Variants in CPQ observed in about 807,000 individuals in gnomAD.
CPQ encodes Ser-Met dipeptidase.
CPQ carries 37 observed loss-of-function variants against 45.7 expected under a neutral mutation model. The ratio of observed to expected loss-of-function variants is 0.81; its 90% confidence interval spans 0.62 to 1.07. CPQ has a LOEUF of 1.07. CPQ is among the 50% of genes least tolerant of loss of function. CPQ has a pLI of 0.00. For missense variants in CPQ, 537 were observed against 572.9 expected (o/e 0.94, Z 0.64); for synonymous variants, 186 against 205.8 (o/e 0.90, Z 0.82).
rs1378196364 is a variant in CPQ at position 96,779,077 on chromosome 8, A to AAAAAC, written c.-34-5784_-34-5783insACAAA. On this transcript the variant is annotated intron_variant, in intron 1 of 7. Transcript: ENST00000220763. ...AACTCCATCTCCAAAAAAAAAAAAA[A>AAAAAC]AAAGGCATGTTATTTATTAATACGA... 6.2e-3 allele frequency among the ~76,000 whole-genome samples: 938 copies of AAAAAC among 151,200 alleles called. 10 individuals carry two copies. Among genetic ancestry groups the AAAAAC allele is most frequent in the African/African-American group, 0.018 (733 of 40,716 alleles).
intron 1 of CPQ, among the ~76,000 whole-genome samples, chr8:96,762,577 G>A (rs1810418241): frequency 6.6e-6 from 1 of 152,142 alleles, no homozygotes; most frequent in South Asian, 2.1e-4. Flanking sequence ...GGGCTACAGA[G>A]GGACAGTGAT....
intron 7 of CPQ, among the ~76,000 whole-genome samples, chr8:97,117,396 A>G (rs1456173675): frequency 6.6e-6 from 1 of 152,140 alleles, no homozygotes; most frequent in Non-Finnish European, 1.5e-5. Context: ...GAGCACTGAA[A>G]AGTTCTATAT....
rs201427381 is a variant in CPQ, at chr8:96,879,820, T to C, written c.664T>C (p.Tyr222His). The C allele has an allele frequency of 1.9e-5, 30 of 1,614,058 alleles. No homozygotes were observed. The highest frequency in any genetic ancestry group is 1.6e-5 in the Non-Finnish European group (19 of 1,179,948). The change falls in exon 4 of 8, where the codon TAC (tyrosine) becomes CAC (histidine). Residue 222 changes from tyrosine to histidine, a missense_variant. Transcript: ENST00000220763. ...IYSPHTGIQE[Y>H]QDGVPKIPTA... ...AAGTCCTCACACAGGTATTCAGGAA[T>C]ACCAGGATGGCGTGCCCAAGATTCC...
In CPQ at chr8:96,932,501, C is replaced by T. The variant is rs574740582; in HGVS notation, c.850-33434C>T. On this transcript the variant is annotated intron_variant, in intron 4 of 7. Transcript: ENST00000220763. ...CTCTAGTTCATCCATTTTAATTATA[C>T]GAACTAGAGTTCGTTAAATGGTATA... 1.6e-3 allele frequency among the ~76,000 whole-genome samples: 238 copies of T among 152,264 alleles called. 2 individuals carry two copies. The highest frequency in any genetic ancestry group is 5.3e-3 in the African/African-American group (222 of 41,560).
chr8:97,123,211 T>TAAAATAAAATAAAATAAAATAA (rs1811784193), intron 7 of CPQ, among the ~76,000 whole-genome samples: 1 of 67,818 alleles, frequency 1.5e-5, no homozygotes, highest in African/African-American at 6.2e-5. Flanking sequence ...AAATAAAAAA[T>TAAAATAAAATAAAATAAAATAA]AAAATAAAAT....
Position 96,694,937 on chromosome 8 carries a change from T to C in CPQ, c.-35+49535T>C, listed in dbSNP as rs539932594. On this transcript the variant is annotated intron_variant, in intron 1 of 7. Transcript: ENST00000220763. ...GGATGGCATTGAATCTGTAAATTAC[T>C]ACTTTACAGTGCATATGGAACCAAA... 6.6e-5 allele frequency among the ~76,000 whole-genome samples: 10 copies of C among 152,312 alleles called. No homozygotes were observed. The East Asian group carries it at 1.9e-3, about 29-fold the overall frequency.
chr8:97,035,254 G>C (rs1809978693), intron 6 of CPQ, among the ~76,000 whole-genome samples: 1 of 152,142 alleles, frequency 6.6e-6, no homozygotes. Context: ...TTATTCTCCA[G>C]AACGAATGAA....
At chr8:96,867,494 TAAG>T (rs1007744824) in intron 3 of CPQ, among the ~76,000 whole-genome samples, 1 of 152,006 alleles carries the variant, frequency 6.6e-6, no homozygotes, top group African/African-American at 2.4e-5. Context: ...TTTAAAAAAT[TAAG>T]AATGTTATAT....
intron 7 of CPQ, among the ~76,000 whole-genome samples, chr8:97,066,496 G>T (rs1810639150): frequency 6.6e-6 from 1 of 152,162 alleles, no homozygotes; most frequent in Non-Finnish European, 1.5e-5. Context: ...CCATTGTTTT[G>T]TTTTGTTTTT....
At chr8:97,122,259 A>C (rs1027295151) in intron 7 of CPQ, among the ~76,000 whole-genome samples, 2 of 147,628 alleles carry the variant, frequency 1.4e-5, no homozygotes, top group African/African-American at 5.4e-5. Context: ...GCAGCAATAC[A>C]AAAAAAACTT....
At chr8:96,897,853 A>G (rs1030849476) in intron 4 of CPQ, among the ~76,000 whole-genome samples, 2 of 152,162 alleles carry the variant, frequency 1.3e-5, no homozygotes, top group African/African-American at 4.8e-5. Context: ...GAAGTCTTAG[A>G]AGGGGCGCAT....
intron 7 of CPQ, among the ~76,000 whole-genome samples, chr8:97,133,969 T>TGG: frequency 6.6e-6 from 1 of 152,314 alleles, no homozygotes; most frequent in East Asian, 1.9e-4. Flanking sequence ...TACATAATAG[T>TGG]GTTTGGATCT....
chr8:97,026,136 TCA>T (rs1809796067), intron 5 of CPQ, among the ~76,000 whole-genome samples: 5 of 152,186 alleles, frequency 3.3e-5, no homozygotes, highest in Admixed American at 3.3e-4. Flanking sequence ...ACCATGTGTC[TCA>T]CCTAGTTCTC....
At chr8:97,086,381 A>G (rs1030371988) in intron 7 of CPQ, among the ~76,000 whole-genome samples, 1 of 152,192 alleles carries the variant, frequency 6.6e-6, no homozygotes, top group Admixed American at 6.5e-5. Flanking sequence ...ATCCATGTGA[A>G]TGGGTATTGC....
chr8:96,929,522 C>T (rs1005837112), intron 4 of CPQ, among the ~76,000 whole-genome samples: 2 of 152,100 alleles, frequency 1.3e-5, no homozygotes, highest in Admixed American at 1.3e-4. Context: ...GTGTGATACC[C>T]CCTCCTGTTA....
intron 7 of CPQ, among the ~76,000 whole-genome samples, chr8:97,127,434 T>C (rs992550379): frequency 6.6e-6 from 1 of 152,162 alleles, no homozygotes; most frequent in Non-Finnish European, 1.5e-5. Context: ...GTGTGGTGGC[T>C]CCCAACACTT....
intron 1 of CPQ, among the ~76,000 whole-genome samples, chr8:96,776,704 G>C (rs1810609100): frequency 6.6e-6 from 1 of 152,038 alleles, no homozygotes; most frequent in Non-Finnish European, 1.5e-5. Flanking sequence ...GATTTAAGTA[G>C]AAAAGAAAGA....
intron 4 of CPQ, among the ~76,000 whole-genome samples, chr8:96,896,186 G>A (rs1345109801): frequency 6.6e-6 from 1 of 152,062 alleles, no homozygotes; most frequent in Non-Finnish European, 1.5e-5. Flanking sequence ...TAACATCTCT[G>A]TTTGAGTTTT....
rs12681746 is a variant in CPQ at position 96,649,261 on chromosome 8, G to A, written c.-35+3859G>A. ...CAAAGTGTTGGGATTACAGGCATGA[G>A]CCACTGTGCCTGGCTCTTTTCAGCA... On this transcript the variant is annotated intron_variant, in intron 1 of 7. Transcript: ENST00000220763. Among the ~76,000 whole-genome samples the A allele has an allele frequency of 2.7e-3, 418 of 152,366 alleles. 5 individuals carry two copies. Among genetic ancestry groups the A allele is most frequent in the East Asian group, 0.024 (124 of 5,188 alleles).
Sources: gnomAD v4.1 joint callset for allele counts (sites outside exome capture counted in the v4.1 genomes callset) on GRCh38, gnomAD v4.1.1 for gene constraint, MANE v1.5 for transcripts, NCBI Gene and HGNC (gene_info 2026-07-23, HGNC 2026-07-21) for gene names.